Variants in EPHA5 observed in about 807,000 individuals in gnomAD.
EPHA5 encodes the protein EPH receptor A5.
In EPHA5, 60 loss-of-function variants were observed where a neutral mutation model predicts 105.0. The ratio of observed to expected loss-of-function variants is 0.57; its 90% CI spans 0.46 to 0.71. EPHA5 has a LOEUF of 0.71. Ranked by LOEUF, EPHA5 falls within the 30% of genes least tolerant of loss-of-function variation. EPHA5 has a pLI of 0.00. For synonymous variants in EPHA5, 513 were observed against 449.1 expected, an observed-to-expected ratio of 1.14 and a Z score of -1.80; for missense variants, 1,218 against 1,274.7, an observed-to-expected ratio of 0.96 and a Z score of 0.68.
At chr4:65,606,378 C>T (rs1366726761) in intron 2 of EPHA5, among the ~76,000 whole-genome samples, 3 of 152,176 alleles carry the variant, frequency 2.0e-5, no homozygotes, top group Middle Eastern at 3.4e-3. Context: ...TGGAATAATT[C>T]AAACATATTG....
intron 16 of EPHA5, 60 bp downstream of exon 16, chr4:65,331,913 T>G (rs2148797482): frequency 3.9e-6 from 6 of 1,551,928 alleles, no homozygotes; most frequent in Non-Finnish European, 5.2e-6. Context: ...TCCAGATTGG[T>G]TTTTGAACAA....
chr4:65,622,570 C>T (rs1311523650), intron 2 of EPHA5, among the ~76,000 whole-genome samples: 2 of 152,066 alleles, frequency 1.3e-5, no homozygotes, highest in Admixed American at 6.6e-5. Context: ...TTTCACAAAA[C>T]CAAATTTGTT....
At chr4:65,432,481 G>C (rs545064521) in intron 5 of EPHA5, among the ~76,000 whole-genome samples, 2 of 152,122 alleles carry the variant, frequency 1.3e-5, no homozygotes, top group East Asian at 3.8e-4. Context: ...TGAAACCTTT[G>C]TTGAAAATCA....
At chr4:65,571,333 AAC>A (rs1740157725) in intron 3 of EPHA5, among the ~76,000 whole-genome samples, 1 of 151,902 alleles carries the variant, frequency 6.6e-6, no homozygotes, top group East Asian at 1.9e-4. Flanking sequence ...AAAAAAAAAA[AAC>A]AGATCAAAAA....
At chr4:65,490,754 G>A (rs777816730) in intron 4 of EPHA5, 42 bp from the exon 5 acceptor site, 1 of 1,568,592 alleles carries the variant, frequency 6.4e-7, no homozygotes, top group Admixed American at 1.7e-5. Context: ...TTTTAAGATG[G>A]TATTAATTAG....
chr4:65,576,058 GAAAAGAAAAGAAAAGAAAAGA>G (rs1402318710), intron 3 of EPHA5, among the ~76,000 whole-genome samples: 9 of 50,814 alleles, frequency 1.8e-4, no homozygotes, highest in East Asian at 7.0e-4. Context: ...AAGAAAGAAA[GAAAAGAAAAGAAAAGAAAAGA>G]AAAGAAAAGA....
chr4:65,501,485 C>A (rs543171946), intron 3 of EPHA5, among the ~76,000 whole-genome samples: 1 of 151,328 alleles, frequency 6.6e-6, no homozygotes, highest in African/African-American at 2.4e-5. Context: ...AGAGCCAAAT[C>A]GAGAATGCCC....
chr4:65,582,445 C>T (rs866673051), intron 3 of EPHA5, among the ~76,000 whole-genome samples: 1 of 149,324 alleles, frequency 6.7e-6, no homozygotes, highest in Non-Finnish European at 1.5e-5. Flanking sequence ...ATCATTTTTG[C>T]CTGGACACCA....
chr4:65,345,887 T>C (rs1054496248), intron 14 of EPHA5, among the ~76,000 whole-genome samples: 3 of 151,926 alleles, frequency 2.0e-5, no homozygotes, highest in African/African-American at 4.8e-5. Context: ...ATTCTCCTGC[T>C]TCAGCCTCTC....
intron 5 of EPHA5, among the ~76,000 whole-genome samples, chr4:65,459,651 T>A (rs370184478): frequency 6.6e-6 from 1 of 151,788 alleles, no homozygotes; most frequent in Non-Finnish European, 1.5e-5. Flanking sequence ...TATAGAGTAA[T>A]AATATACATG....
At chr4:65,652,584 G>A (rs1748703018) in intron 1 of EPHA5, among the ~76,000 whole-genome samples, 1 of 152,044 alleles carries the variant, frequency 6.6e-6, no homozygotes, top group African/African-American at 2.4e-5. Flanking sequence ...TCTTTCTCTT[G>A]TATCTATATC....
chr4:65,488,885 ATTT>A (rs5858962), intron 5 of EPHA5, among the ~76,000 whole-genome samples: 2 of 117,790 alleles, frequency 1.7e-5, no homozygotes, highest in Non-Finnish European at 3.3e-5. Context: ...AGCTGCATGC[ATTT>A]TTTTTTTTTT....
intron 8 of EPHA5, among the ~76,000 whole-genome samples, chr4:65,401,606 C>T (rs983702219): frequency 6.6e-6 from 1 of 152,088 alleles, no homozygotes; most frequent in Non-Finnish European, 1.5e-5. Flanking sequence ...TTTTCAACTG[C>T]AAATTCCTAG....
At chr4:65,345,466 GATA>G (rs1267066353) in intron 14 of EPHA5, among the ~76,000 whole-genome samples, 22 of 152,356 alleles carry the variant, frequency 1.4e-4, no homozygotes, top group African/African-American at 2.9e-4. Flanking sequence ...GCCTGCAACA[GATA>G]TCTGCAAAGA....
intron 5 of EPHA5, among the ~76,000 whole-genome samples, chr4:65,430,673 C>A (rs58177522): frequency 0.032 from 4,845 of 152,124 alleles, 264 homozygotes; most frequent in African/African-American, 0.11. Flanking sequence ...GTTCACCCCA[C>A]CAGGAATTGG....
At chr4:65,624,222 A>G (rs1463914534) in intron 2 of EPHA5, among the ~76,000 whole-genome samples, 1 of 152,204 alleles carries the variant, frequency 6.6e-6, no homozygotes, top group Non-Finnish European at 1.5e-5. Context: ...TATGCTTCAG[A>G]GAATGTTAGA....
intron 5 of EPHA5, among the ~76,000 whole-genome samples, chr4:65,449,171 T>A (rs559295086): frequency 5.3e-5 from 8 of 152,288 alleles, no homozygotes; most frequent in African/African-American, 1.9e-4. Flanking sequence ...AGTAAAAGAT[T>A]GTTTAACTAT....
intron 3 of EPHA5, among the ~76,000 whole-genome samples, chr4:65,500,255 T>C (rs1183355337): frequency 1.3e-5 from 2 of 151,332 alleles, no homozygotes; most frequent in Non-Finnish European, 3.0e-5. Flanking sequence ...ATGCCAGTCA[T>C]TTAAGTTGAG....
intron 3 of EPHA5, among the ~76,000 whole-genome samples, chr4:65,546,205 C>A (rs1463852665): frequency 1.3e-5 from 2 of 151,942 alleles, no homozygotes; most frequent in South Asian, 4.1e-4. Flanking sequence ...GAGAGTCTGG[C>A]AGCACTGAGA....
Sources: allele counts gnomAD v4.1 joint callset (sites outside exome capture counted in the v4.1 genomes callset), GRCh38; gene constraint gnomAD v4.1.1; transcripts MANE v1.5; gene names NCBI Gene and HGNC (gene_info 2026-07-23, HGNC 2026-07-21).